Variants in PTPN13 observed in about 807,000 individuals in gnomAD.
PTPN13 encodes the protein tyrosine-protein phosphatase non-receptor type 13.
Under a neutral mutation model 284.0 loss-of-function variants are expected in PTPN13, and 191 were observed. The ratio of observed to expected loss-of-function variants is 0.67; its 90% confidence interval spans 0.60 to 0.76. The LOEUF is 0.76. PTPN13 is among the 30% of genes least tolerant of loss of function. The pLI is 0.00. For missense variants in PTPN13, 2,797 were observed against 2,939.9 expected (o/e 0.95, Z 1.12); for synonymous variants, 986 against 1,022.3 (o/e 0.96, Z 0.68).
At chr4:86,719,512 C>T (rs1733407641) in intron 9 of PTPN13, among the ~76,000 whole-genome samples, 1 of 152,120 alleles carries the variant, frequency 6.6e-6, no homozygotes, top group African/African-American at 2.4e-5. Flanking sequence ...ATTGCTGGGT[C>T]TAATGGTAGT....
intron 37 of PTPN13, among the ~76,000 whole-genome samples, chr4:86,782,595 A>G (rs1186784159): frequency 6.6e-6 from 1 of 152,198 alleles, no homozygotes; most frequent in African/African-American, 2.4e-5. Context: ...AGAATAATAT[A>G]ATTAAGAGTG....
At chr4:86,717,256 T>C in intron 9 of PTPN13, 139 bp downstream of exon 9, 7 of 593,436 alleles carry the variant, frequency 1.2e-5, no homozygotes, top group Non-Finnish European at 2.1e-5. Flanking sequence ...TGGCGCAATC[T>C]CGGCTCACTG....
intron 15 of PTPN13, among the ~76,000 whole-genome samples, chr4:86,739,968 C>T (rs895545458): frequency 1.3e-5 from 2 of 152,194 alleles, no homozygotes; most frequent in African/African-American, 4.8e-5. Flanking sequence ...GTCTCACATC[C>T]GGGTCAAGCT....
intron 1 of PTPN13, among the ~76,000 whole-genome samples, chr4:86,607,087 T>G (rs559470303): frequency 2.0e-5 from 3 of 151,994 alleles, no homozygotes; most frequent in African/African-American, 7.2e-5. Flanking sequence ...AAGATAAAAA[T>G]TATAATTGTA....
chr4:86,710,488 T>C (rs1216691377), intron 7 of PTPN13, among the ~76,000 whole-genome samples: 1 of 152,248 alleles, frequency 6.6e-6, no homozygotes, highest in Non-Finnish European at 1.5e-5. Context: ...ATGTTTCATT[T>C]GAAATAGCTT....
rs542554924 is a variant in PTPN13 at position 86,685,661 on chromosome 4, A to G, written c.295-1049A>G. On this transcript the variant is annotated intron_variant, in intron 3 of 47. Coordinates refer to ENST00000411767, the MANE Select transcript of PTPN13 (RefSeq NM_080683.3). ...GTGATGCAGTGAGATTTATTGGTCA[A>G]TTTTTAGATTGGCAAAACGCCAAGT... Among the ~76,000 whole-genome samples, 7 of 152,342 alleles carry G rather than the reference A, an allele frequency of 4.6e-5. No homozygotes were observed. The South Asian group carries it at 1.2e-3, about 27-fold the overall frequency.
chr4:86,670,167 A>T (rs1727578649), intron 2 of PTPN13, among the ~76,000 whole-genome samples: 1 of 144,266 alleles, frequency 6.9e-6, no homozygotes, highest in Non-Finnish European at 1.5e-5. Flanking sequence ...TTTCTATCTT[A>T]ATTCTTTTTT....
chr4:86,814,581 T>C lies in PTPN13; in HGVS notation c.*30T>C. The C allele has an allele frequency of 6.5e-7, 1 of 1,547,936 alleles. No homozygotes were observed. Among genetic ancestry groups the C allele is most frequent in the East Asian group, 2.2e-5 (1 of 44,490 alleles). On this transcript the variant is annotated 3_prime_UTR_variant, in exon 48 of 48. Transcript: ENST00000411767. ...AAAAGAGCCTCTGGATGCATTTCCATTTCTCTCCTTAACCTCCAGCAGACT... is the reference window on the plus strand; with the variant it reads ...AAAAGAGCCTCTGGATGCATTTCCACTTCTCTCCTTAACCTCCAGCAGACT...
Position 86,719,430 on chromosome 4 carries a change from G to A in PTPN13, c.1385+2313G>A, listed in dbSNP as rs113698321. 1.4e-3 allele frequency among the ~76,000 whole-genome samples: 217 copies of A among 152,150 alleles called. 2 individuals carry two copies. Among genetic ancestry groups the A allele is most frequent in the African/African-American group, 4.8e-3 (201 of 41,514 alleles). ...CTTTGCTATTGTAAATAGTGCTGCCGTGAACATTCGTGTGTATGTGTCTTT... is the reference window on the plus strand; with the variant it reads ...CTTTGCTATTGTAAATAGTGCTGCCATGAACATTCGTGTGTATGTGTCTTT... On this transcript the variant is annotated intron_variant, in intron 9 of 47. Coordinates refer to ENST00000411767, the MANE Select transcript of PTPN13 (RefSeq NM_080683.3).
chr4:86,726,489 C>T (rs962494264), intron 10 of PTPN13, among the ~76,000 whole-genome samples: 2 of 148,914 alleles, frequency 1.3e-5, no homozygotes, highest in Non-Finnish European at 3.0e-5. Context: ...TCTTTTATTT[C>T]GTTGAACAGT....
intron 20 of PTPN13, among the ~76,000 whole-genome samples, chr4:86,757,756 C>CT (rs1313128576): frequency 8.8e-6 from 1 of 113,988 alleles, no homozygotes; most frequent in East Asian, 2.0e-4. Flanking sequence ...AAGCAAGACT[C>CT]TGTCTCAAAA....
intron 40 of PTPN13, among the ~76,000 whole-genome samples, chr4:86,794,264 C>CAG (rs142909266): frequency 0.091 from 13,785 of 151,522 alleles, 729 homozygotes; most frequent in African/African-American, 0.1. Flanking sequence ...CAACAGTAGA[C>CAG]AGAGCCAAAT....
At chr4:86,598,167 G>A (rs1034528924) in intron 1 of PTPN13, among the ~76,000 whole-genome samples, 1 of 147,002 alleles carries the variant, frequency 6.8e-6, no homozygotes, top group Non-Finnish European at 1.5e-5. Context: ...TTTTTTTTAA[G>A]ATGGAATCTC....
rs747227041 is a variant in PTPN13, at chr4:86,672,379, C to A, written c.130C>A (p.Pro44Thr). ...TTACAAACCAGTAAGCCTAGCTGAT[C>A]CTGCTGCCCTTGGCTTCATCATTTC... Reference protein sequence around the residue: ...ELFRKVSLADPAALGFIISPW... With the variant: ...ELFRKVSLADTAALGFIISPW... Residue 44 changes from proline (P) to threonine (T), a missense_variant, in exon 3 of 48, where the codon CCT becomes ACT. Transcript: ENST00000411767. 3.2e-6 allele frequency: 5 copies of A among 1,547,120 alleles called. No homozygotes were observed. In the South Asian group the frequency reaches 3.7e-5, roughly 11 times the overall value.
chr4:86,762,929 G>C lies in PTPN13; in HGVS notation c.3756G>C (p.Glu1252Asp). Reference protein sequence around the residue: ...GSLSSQDSRTESASLSQSQVN... With the variant: ...GSLSSQDSRTDSASLSQSQVN... ...TGAGTTCTCAAGATTCCAGGACTGAGAGTGCCAGCTTGTCTCAAAGCCAGG... is the reference window on the plus strand; with the variant it reads ...TGAGTTCTCAAGATTCCAGGACTGACAGTGCCAGCTTGTCTCAAAGCCAGG... Residue 1252 changes from glutamate (E) to aspartate (D), a missense_variant, in exon 24 of 48, where the codon GAG becomes GAC. Physicochemically the swap from Glu to Asp is conservative, Grantham distance 45. Coordinates refer to ENST00000411767, the MANE Select transcript of PTPN13 (RefSeq NM_080683.3). 6.2e-7 allele frequency: 1 copy of C among 1,613,866 alleles called. No individual in the cohort carries two copies. The highest frequency in any genetic ancestry group is 8.5e-7 in the Non-Finnish European group (1 of 1,179,848).
intron 1 of PTPN13, among the ~76,000 whole-genome samples, chr4:86,618,253 T>A (rs1333718834): frequency 2.6e-5 from 4 of 152,232 alleles, no homozygotes; most frequent in Non-Finnish European, 5.9e-5. Flanking sequence ...GTGGCATTAT[T>A]TCTGAGGGCT....
chr4:86,646,580 G>A (rs1015578336), intron 2 of PTPN13, among the ~76,000 whole-genome samples: 1 of 152,204 alleles, frequency 6.6e-6, no homozygotes, highest in Non-Finnish European at 1.5e-5. Context: ...TGACAGGCAC[G>A]AGCCACTGTG....
chr4:86,706,811 A>G (rs1410832793), intron 7 of PTPN13, among the ~76,000 whole-genome samples: 1 of 152,242 alleles, frequency 6.6e-6, no homozygotes, highest in Non-Finnish European at 1.5e-5. Context: ...GGCAGGAAGA[A>G]ACATAACTTA....
intron 5 of PTPN13, 86 bp downstream of exon 5, chr4:86,689,276 T>C (rs1373471744): frequency 9.3e-7 from 1 of 1,077,882 alleles, no homozygotes; most frequent in Non-Finnish European, 1.3e-6. Context: ...ACTATATAGG[T>C]AGCATTTTCT....
Sources: allele counts gnomAD v4.1 joint callset (sites outside exome capture counted in the v4.1 genomes callset), GRCh38; gene constraint gnomAD v4.1.1; transcripts MANE v1.5; gene names NCBI Gene and HGNC (gene_info 2026-07-23, HGNC 2026-07-21).